The following HDAC9 variants were observed in gnomAD, a reference collection of about 807,000 sequenced individuals.
HDAC9 encodes the protein MEF-2 interacting transcription repressor (MITR) protein.
HDAC9 carries 41 observed loss-of-function variants against 139.4 expected under a neutral mutation model. That is an observed-to-expected ratio of 0.29 (90% confidence interval 0.23 to 0.38). The LOEUF (loss-of-function observed/expected upper bound fraction) is 0.38. Ranked by LOEUF, HDAC9 falls within the 10% of genes least tolerant of loss-of-function variation. The pLI is 1.00. For missense variants in HDAC9, 1,147 were observed against 1,297.0 expected (o/e 0.88, Z 1.78); for synonymous variants, 517 against 476.2 (o/e 1.09, Z -1.12).
At chr7:18,411,887 A>G (rs1788595471) in intron 1 of HDAC9, among the ~76,000 whole-genome samples, 2 of 127,492 alleles carry the variant, frequency 1.6e-5, no homozygotes, top group South Asian at 2.6e-4. Context: ...GTGCAGTGGC[A>G]TGTTCTCACC....
chr7:18,150,609 A>G (rs1046384053), intron 1 of HDAC9, among the ~76,000 whole-genome samples: 1 of 152,292 alleles, frequency 6.6e-6, no homozygotes. Flanking sequence ...ACATACCTCT[A>G]CTGTGAGCCA....
At chr7:18,137,983 T>G (rs938222372) in intron 1 of HDAC9, among the ~76,000 whole-genome samples, 1 of 151,924 alleles carries the variant, frequency 6.6e-6, no homozygotes, top group African/African-American at 2.4e-5. Flanking sequence ...CAATTTCAGA[T>G]CCTGTTATTG....
At chr7:18,575,025 C>T (rs1052943367) in intron 2 of HDAC9, among the ~76,000 whole-genome samples, 2 of 152,238 alleles carry the variant, frequency 1.3e-5, no homozygotes, top group African/African-American at 4.8e-5. Context: ...GTGGGCAGCC[C>T]CCGCCCCCAC....
intron 16 of HDAC9, among the ~76,000 whole-genome samples, chr7:18,791,353 T>G (rs543666175): frequency 6.6e-6 from 1 of 152,314 alleles, no homozygotes; most frequent in South Asian, 2.1e-4. Context: ...AATGCAGGCT[T>G]TTCTTTGGTA....
intron 23 of HDAC9, among the ~76,000 whole-genome samples, chr7:18,938,863 A>G (rs1781835960): frequency 6.6e-6 from 1 of 152,218 alleles, no homozygotes; most frequent in Non-Finnish European, 1.5e-5. Context: ...AAAGAATGAC[A>G]ATGATGTCAC....
chr7:18,204,332 C>CTT lies in HDAC9; in HGVS notation c.25+42000_25+42001dup, dbSNP rs35479287. 1.4e-4 allele frequency among the ~76,000 whole-genome samples: 16 copies of CTT among 115,976 alleles called. No homozygotes were observed. The South Asian group carries it at 2.2e-3, about 16-fold the overall frequency. The allele number at this position is 115,976 out of a possible 152,430, so 76.1% of individuals were successfully genotyped here. ...ACCACAAATACCTATTTGAATCTGC[C>CTT]TTTTTTTTTTTTTTTTTTGGAATTA... On this transcript the variant is annotated intron_variant, in intron 2 of 12. Transcript: ENST00000417496.
At chr7:18,813,362 T>A (rs1300402212) in intron 17 of HDAC9, among the ~76,000 whole-genome samples, 2 of 152,126 alleles carry the variant, frequency 1.3e-5, no homozygotes, top group Non-Finnish European at 2.9e-5. Context: ...TTATCTATTG[T>A]TACTTTGGCA....
chr7:18,524,214 A>T (rs916825819), intron 2 of HDAC9, among the ~76,000 whole-genome samples: 1 of 152,186 alleles, frequency 6.6e-6, no homozygotes, highest in Non-Finnish European at 1.5e-5. Flanking sequence ...ATGATAATTC[A>T]TGTAATTAAC....
intron 1 of HDAC9, among the ~76,000 whole-genome samples, chr7:18,313,276 A>G (rs938231760): frequency 2.6e-5 from 4 of 152,332 alleles, no homozygotes; most frequent in South Asian, 2.1e-4. Flanking sequence ...AAATGTATAG[A>G]TAAGTGACCT....
intron 1 of HDAC9, among the ~76,000 whole-genome samples, chr7:18,456,171 A>T (rs1793325507): frequency 6.6e-6 from 1 of 152,210 alleles, no homozygotes; most frequent in South Asian, 2.1e-4. Context: ...AAATAATTTC[A>T]TTCTACCATA....
chr7:18,335,414 G>A (rs943607895), intron 1 of HDAC9, among the ~76,000 whole-genome samples: 3 of 151,388 alleles, frequency 2.0e-5, no homozygotes, highest in Admixed American at 6.6e-5. Context: ...CTTTTTGATT[G>A]CTCATTGCCA....
intron 1 of HDAC9, among the ~76,000 whole-genome samples, chr7:18,435,528 C>G (rs1024678798): frequency 2.0e-5 from 3 of 152,060 alleles, no homozygotes; most frequent in African/African-American, 7.2e-5. Context: ...AACTTTGCTA[C>G]TAGTATAGTG....
At chr7:18,117,491 A>G (rs2128089414) in intron 1 of HDAC9, among the ~76,000 whole-genome samples, 1 of 148,146 alleles carries the variant, frequency 6.8e-6, no homozygotes, top group South Asian at 2.3e-4. Context: ...GTCTCAAAAA[A>G]TAAAATAAAA....
At chr7:18,648,065 G>T in intron 10 of HDAC9, 67 bp downstream of exon 10, 1 of 1,265,640 alleles carries the variant, frequency 7.9e-7, no homozygotes, top group African/African-American at 1.5e-5. Context: ...CCAGGATAAT[G>T]TCTCTTTTAC....
chr7:18,893,051 A>AAAG (rs1563029431), intron 22 of HDAC9, among the ~76,000 whole-genome samples: 1 of 144,754 alleles, frequency 6.9e-6, no homozygotes, highest in African/African-American at 2.7e-5. Context: ...AAAAAAAAAA[A>AAAG]AAAGAAAAGA....
intron 25 of HDAC9, among the ~76,000 whole-genome samples, chr7:18,976,511 CT>C (rs1188537093): frequency 6.6e-6 from 1 of 152,154 alleles, no homozygotes; most frequent in Admixed American, 6.5e-5. Context: ...ACTGTGTGAA[CT>C]TGGGGCTGAT....
At chr7:18,216,767 T>G (rs1345359406) in intron 2 of HDAC9, among the ~76,000 whole-genome samples, 1 of 152,146 alleles carries the variant, frequency 6.6e-6, no homozygotes, top group Non-Finnish European at 1.5e-5. Context: ...GCCTCTATAT[T>G]TGTGATACTG....
At chr7:18,097,068 T>G (rs1283856943) in intron 1 of HDAC9, among the ~76,000 whole-genome samples, 1 of 152,198 alleles carries the variant, frequency 6.6e-6, no homozygotes, top group Non-Finnish European at 1.5e-5. Context: ...GCACATGTGG[T>G]CTTTGAAATT....
intron 22 of HDAC9, among the ~76,000 whole-genome samples, chr7:18,906,039 C>G (rs981599274): frequency 2.0e-5 from 3 of 149,522 alleles, no homozygotes; most frequent in South Asian, 2.1e-4. Flanking sequence ...TTCTCTCTCT[C>G]TTTTCTATCC....
Sources: gnomAD v4.1 joint callset for allele counts (sites outside exome capture counted in the v4.1 genomes callset) on GRCh38, gnomAD v4.1.1 for gene constraint, MANE v1.5 for transcripts, NCBI Gene and HGNC (gene_info 2026-07-23, HGNC 2026-07-21) for gene names.